The following ACOX3 variants were observed in gnomAD, a reference collection of about 807,000 sequenced individuals.
ACOX3 encodes acyl-CoA oxidase 3, pristanoyl.
In ACOX3, 73 loss-of-function variants were observed where a neutral mutation model predicts 81.5. The observed-to-expected ratio is 0.90, with a 90% CI of 0.74 to 1.09. The LOEUF is 1.09. Among genes scored for constraint, ACOX3 ranks in the 50% least tolerant of loss-of-function variants. The probability of loss-of-function intolerance (pLI) is 0.00; values close to 1 mark genes in which losing one functional copy is unlikely to be tolerated. For synonymous variants in ACOX3, 387 were observed against 375.1 expected, an observed-to-expected ratio of 1.03 and a Z score of -0.37; for missense variants, 947 against 928.0, an observed-to-expected ratio of 1.02 and a Z score of -0.27.
In ACOX3 at chr4:8,410,499, T is replaced by C. The variant is rs577077768; in HGVS notation, c.544-144A>G. On this transcript the variant is annotated intron_variant, in intron 5 of 17. Transcript: ENST00000356406. The stretch of plus-strand genomic sequence containing the variant: ...AACTAATCGCACATTTTAGTTCTTG[T>C]ATGGCACAGGCAGGCCTATTTTTTA... 48 of 1,123,298 alleles carry C rather than the reference T, an allele frequency of 4.3e-5. No individual in the cohort carries two copies. In the East Asian group the frequency reaches 9.3e-4, roughly 22 times the overall value. 69.6% of individuals were successfully genotyped at this position (1,123,298 alleles called of 1,614,324 possible). A position where few individuals can be genotyped will look rare whatever the true frequency, so the allele number is the denominator to read the frequency against.
chr4:8,400,219 C>A lies in ACOX3; in HGVS notation c.777-567G>T, dbSNP rs946942180. Among the ~76,000 whole-genome samples the A allele has an allele frequency of 4.0e-5, 6 of 151,080 alleles. No homozygotes were observed. Among genetic ancestry groups the A allele is most frequent in the African/African-American group, 1.5e-4 (6 of 40,898 alleles). On this transcript the variant is annotated intron_variant, in intron 7 of 17. Coordinates refer to ENST00000356406, the MANE Select transcript of ACOX3 (RefSeq NM_003501.3). The surrounding 1 kb of genome is among the most constrained non-coding windows in gnomAD (Gnocchi z 4.4). ...TGAGCCAAGATCACGCCACTGCACT[C>A]CAGCCTTGGTGACAGAGCAAGACTC...
chr4:8,412,649 T>G (rs1721851486), intron 5 of ACOX3, among the ~76,000 whole-genome samples: 1 of 152,134 alleles, frequency 6.6e-6, no homozygotes, highest in Admixed American at 6.5e-5. Flanking sequence ...CAGTCCTCCC[T>G]GACCACTGCC....
Position 8,406,313 on chromosome 4 carries a change from G to C in ACOX3, c.688-270C>G, listed in dbSNP as rs934310502. Among the ~76,000 whole-genome samples, 2 of 152,182 alleles carry C rather than the reference G, an allele frequency of 1.3e-5. No homozygotes were observed. Among genetic ancestry groups the C allele is most frequent in the South Asian group, 2.1e-4 (1 of 4,832 alleles). ...CACCCAGGTGGGCCCTAAATCCCACGGCAAGTGTCCTATGAGAATCAGAAG... is the reference window on the plus strand; with the variant it reads ...CACCCAGGTGGGCCCTAAATCCCACCGCAAGTGTCCTATGAGAATCAGAAG... On this transcript the variant is annotated intron_variant, in intron 6 of 17. Coordinates refer to ENST00000356406, the MANE Select transcript of ACOX3 (RefSeq NM_003501.3). The surrounding 1 kb of genome is among the most constrained non-coding windows in gnomAD (Gnocchi z 5.6).
intron 8 of ACOX3, among the ~76,000 whole-genome samples, chr4:8,397,521 C>T (rs1719852051): frequency 6.6e-6 from 1 of 152,232 alleles, no homozygotes; most frequent in East Asian, 1.9e-4. Flanking sequence ...GAGTCCATTA[C>T]AGGCAGCCTT....
chr4:8,440,604 A>G (rs1372897190), intron 1 of ACOX3, 44 bp downstream of exon 1: 1 of 524,326 alleles, frequency 1.9e-6, no homozygotes, highest in Admixed American at 4.3e-5. Flanking sequence ...TACCACGCCC[A>G]GAATTCTCTC....
At chr4:8,408,734 T>G (rs1002017986) in intron 6 of ACOX3, among the ~76,000 whole-genome samples, 1 of 152,088 alleles carries the variant, frequency 6.6e-6, no homozygotes, top group Non-Finnish European at 1.5e-5. Flanking sequence ...GTGGTGACAG[T>G]CTTTTGTGTG....
At chr4:8,422,754 G>C (rs532980598) in intron 1 of ACOX3, among the ~76,000 whole-genome samples, 1 of 152,362 alleles carries the variant, frequency 6.6e-6, no homozygotes, top group African/African-American at 2.4e-5. Context: ...GGTAGAAATT[G>C]GGGGAGGAGA....
At position 8,382,709 on chromosome 4, in the gene ACOX3, G is replaced by C. The variant is rs190967958; in HGVS notation, c.1538-1102C>G. ...GGTCACTGGGAAGAAAATACCCAAC[G>C]TTGCTGGGCGCAGTGGCTCACACCT... On this transcript the variant is annotated intron_variant, in intron 13 of 17. Coordinates refer to ENST00000356406, the MANE Select transcript of ACOX3 (RefSeq NM_003501.3). This position sits in a 1 kb window ranked among gnomAD's most constrained non-coding sequence, Gnocchi z 4.1. Among the ~76,000 whole-genome samples the C allele has an allele frequency of 3.9e-5, 6 of 152,270 alleles. No homozygotes were observed. The East Asian group carries it at 1.2e-3, about 29-fold the overall frequency.
rs1394929472 is a variant in ACOX3 at position 8,375,111 on chromosome 4, G to A, written c.1695C>T (p.Leu565=). Residue 565 remains leucine (L), a synonymous_variant, in exon 15 of 18, where the codon CTC becomes CTT. Transcript: ENST00000356406. The part of the protein sequence containing the change: ...GRPLALAFVE[L]TVVQRFHEHV... The stretch of plus-strand genomic sequence containing the variant: ...GCTCGTGGAACCTCTGGACCACCGT[G>A]AGCTCCACGAAGGCCAGCGCCAACG... The A allele has an allele frequency of 6.4e-7, 1 of 1,554,664 alleles. No homozygotes were observed. The highest frequency in any genetic ancestry group is 1.4e-5 in the African/African-American group (1 of 73,810).
intron 1 of ACOX3, among the ~76,000 whole-genome samples, chr4:8,424,054 G>A (rs1578991909): frequency 6.6e-6 from 1 of 152,250 alleles, no homozygotes; most frequent in African/African-American, 2.4e-5. Flanking sequence ...CTCACAGCAG[G>A]TTAAATACTT....
Position 8,399,416 on chromosome 4 carries a change from G to A in ACOX3, c.873+140C>T, listed in dbSNP as rs558736075. 9.6e-5 allele frequency: 67 copies of A among 698,354 alleles called. No homozygotes were observed. The African/African-American group carries it at 1.2e-3, about 12-fold the overall frequency. 43.3% of individuals were successfully genotyped at this position (698,354 alleles called of 1,614,324 possible). ...TTCTAGCGGGAGCACCAGAACCCGA[G>A]CCAGGAGAAGTATGCCCCAGCGACA... On this transcript the variant is annotated intron_variant, in intron 8 of 17. Coordinates refer to ENST00000356406, the MANE Select transcript of ACOX3 (RefSeq NM_003501.3). The surrounding 1 kb of genome is among the most constrained non-coding windows in gnomAD (Gnocchi z 4.9).
At chr4:8,434,596 G>A (rs1724125049) in intron 1 of ACOX3, among the ~76,000 whole-genome samples, 2 of 152,252 alleles carry the variant, frequency 1.3e-5, no homozygotes, top group Non-Finnish European at 2.9e-5. Context: ...TCAACGCAGT[G>A]GCTGAACACT....
At chr4:8,359,639 C>T in the ACOX3 span, among the ~76,000 whole-genome samples, 2 of 152,106 alleles carry the variant, frequency 1.3e-5, no homozygotes, top group East Asian at 1.9e-4. The surrounding 1 kb of genome is among the most constrained non-coding windows in gnomAD (Gnocchi z 6.0). Context: ...CCTCCTTAAA[C>T]GGGGAAACTT....
In ACOX3 at chr4:8,385,929, A is replaced by T. The variant is rs1718244582; in HGVS notation, c.1537+3244T>A. 6.6e-6 allele frequency among the ~76,000 whole-genome samples: 1 copy of T among 152,196 alleles called. No individual in the cohort carries two copies. Among genetic ancestry groups the T allele is most frequent in the South Asian group, 2.1e-4 (1 of 4,828 alleles). The stretch of plus-strand genomic sequence containing the variant: ...GGGATAATGGCGGTCTCTCTCCCAT[A>T]CCACTTTGAACAAGTGAAAGCCATT... On this transcript the variant is annotated intron_variant, in intron 13 of 17. Transcript: ENST00000356406. The surrounding 1 kb of genome is among the most constrained non-coding windows in gnomAD (Gnocchi z 5.5).
chr4:8,414,366 CAAA>C lies in ACOX3; in HGVS notation c.466_468del (p.Phe156del). The C allele has an allele frequency of 6.2e-7, 1 of 1,614,044 alleles. No homozygotes were observed. The highest frequency in any genetic ancestry group is 8.5e-7 in the Non-Finnish European group (1 of 1,179,964). ...CTGCCGTGGCTTAATTCGGTCAGAG[CAAA>C]ACATCCAAAAATCTAAATGTCAAAG... On this transcript the variant is annotated inframe_deletion, in exon 5 of 18. Transcript: ENST00000356406. This position sits in a 1 kb window ranked among gnomAD's most constrained non-coding sequence, Gnocchi z 6.1.
chr4:8,432,495 T>A lies in ACOX3; in HGVS notation c.-15+8153A>T, dbSNP rs185497835. On this transcript the variant is annotated intron_variant, in intron 1 of 17. Transcript: ENST00000356406. The surrounding 1 kb of genome is among the most constrained non-coding windows in gnomAD (Gnocchi z 6.2). ...TGATCCACCCACCTCGGCCTCCCAA[T>A]GTGCTGGGATTACAGGCGTGAGCCA... Among the ~76,000 whole-genome samples, 2 of 151,912 alleles carry A rather than the reference T, an allele frequency of 1.3e-5. No individual in the cohort carries two copies. Among genetic ancestry groups the A allele is most frequent in the African/African-American group, 4.8e-5 (2 of 41,468 alleles).
At position 8,370,933 on chromosome 4, in the gene ACOX3, G is replaced by A; in HGVS notation, c.1958C>T (p.Ser653Leu). The change falls in exon 17 of 18, where the codon TCA becomes TTA. Residue 653 changes from serine to leucine, a missense_variant. Ser to Leu is a moderately radical substitution (Grantham distance 145, BLOSUM62 -2). Transcript: ENST00000356406. The surrounding 1 kb of genome is among the most constrained non-coding windows in gnomAD (Gnocchi z 6.3). The part of the protein sequence containing the change: ...VIAPPDFVLD[S>L]PIGRADGELY... ...CTCGCCGTCGGCTCTGCCAATCGGT[G>A]AGTCCAGAACAAAGTCAGGAGGAGC... The A allele has an allele frequency of 2.5e-6, 4 of 1,614,030 alleles. No homozygotes were observed. Among genetic ancestry groups the A allele is most frequent in the Non-Finnish European group, 3.4e-6 (4 of 1,180,022 alleles).
the ACOX3 span, chr4:8,358,228 T>A: frequency 2.6e-5 from 4 of 152,360 alleles, no homozygotes; most frequent in East Asian, 7.7e-4. Flanking sequence ...GCAGAGAATC[T>A]GCTTCCCTTA....
rs1717717590 is a variant in ACOX3, at chr4:8,381,992, G to A, written c.1538-385C>T. Among the ~76,000 whole-genome samples the A allele has an allele frequency of 3.3e-5, 5 of 152,378 alleles. No individual in the cohort carries two copies. In the South Asian group the frequency reaches 1.0e-3, roughly 32 times the overall value. On this transcript the variant is annotated intron_variant, in intron 13 of 17. Coordinates refer to ENST00000356406, the MANE Select transcript of ACOX3 (RefSeq NM_003501.3). The surrounding 1 kb of genome is among the most constrained non-coding windows in gnomAD (Gnocchi z 4.3). ...GTGCTGCCTCCACAGCATCAGCCAG[G>A]ACTGCATGGGCAGCAGGACAACTGG...
Sources: gnomAD v4.1 joint callset for allele counts (sites outside exome capture counted in the v4.1 genomes callset) on GRCh38, gnomAD v4.1.1 for gene constraint, Gnocchi (gnomAD v3.1) non-coding constraint, MANE v1.5 for transcripts, NCBI Gene and HGNC (gene_info 2026-07-23, HGNC 2026-07-21) for gene names.